Variants in NXN observed in about 807,000 individuals in gnomAD.
The protein encoded by NXN is nucleoredoxin 1.
A neutral mutation model predicts 48.6 loss-of-function variants in NXN; 16 were observed. That is an observed-to-expected ratio of 0.33 (90% CI 0.22 to 0.50). The LOEUF is 0.50. Ranked by LOEUF, NXN falls within the 20% of genes least tolerant of loss-of-function variation. The probability of loss-of-function intolerance (pLI) is 0.98; values close to 1 mark genes in which losing one functional copy is unlikely to be tolerated. For synonymous variants in NXN, 281 were observed against 269.6 expected, an observed-to-expected ratio of 1.04 and a Z score of -0.41; for missense variants, 492 against 605.5, an observed-to-expected ratio of 0.81 and a Z score of 1.97.
chr17:834,671 C>T (rs1344604177), intron 1 of NXN, among the ~76,000 whole-genome samples: 1 of 151,986 alleles, frequency 6.6e-6, no homozygotes, highest in African/African-American at 2.4e-5. Flanking sequence ...AGGCGCCCAC[C>T]ACCACGCCCG....
intron 1 of NXN, among the ~76,000 whole-genome samples, chr17:895,794 GGTTT>G (rs879274261): frequency 0.39 from 49,601 of 127,252 alleles, 10,354 homozygotes; most frequent in East Asian, 0.58. Context: ...CTCCAGCCTG[GGTTT>G]TGTTTGTCTC....
At chr17:812,561 G>C (rs527293974) in intron 5 of NXN, among the ~76,000 whole-genome samples, 5 of 151,772 alleles carry the variant, frequency 3.3e-5, no homozygotes, top group Non-Finnish European at 5.9e-5. Flanking sequence ...GAGCGAGTGT[G>C]TGTGTGAGTC....
rs369178206 is a variant in NXN at position 916,186 on chromosome 17, G to A, written c.360+63133C>T. ...CCCACTTTGCTAGAAATCCTGGCAC[G>A]TCGGCAACAGAAATGGAGGCAGAAA... On this transcript the variant is annotated intron_variant, in intron 1 of 7. Coordinates refer to ENST00000336868, the MANE Select transcript of NXN (RefSeq NM_022463.5). 1.3e-4 allele frequency among the ~76,000 whole-genome samples: 20 copies of A among 152,214 alleles called. No homozygotes were observed. In the East Asian group the frequency reaches 1.4e-3, roughly 10 times the overall value.
chr17:808,636 T>C lies in NXN; in HGVS notation c.821-3389A>G, dbSNP rs369715780. On this transcript the variant is annotated intron_variant, in intron 5 of 7. Coordinates refer to ENST00000336868, the MANE Select transcript of NXN (RefSeq NM_022463.5). The stretch of plus-strand genomic sequence containing the variant: ...TAGCAGAGTACCTGGTATATTGATA[T>C]TGTAAGTATTCTATAAGTATTGGCT... Among the ~76,000 whole-genome samples the C allele has an allele frequency of 5.3e-5, 8 of 150,798 alleles. No homozygotes were observed. In the East Asian group the frequency reaches 9.9e-4, roughly 19 times the overall value.
chr17:835,725 G>GA (rs1302653385), intron 1 of NXN, among the ~76,000 whole-genome samples: 1 of 144,766 alleles, frequency 6.9e-6, no homozygotes, highest in Admixed American at 6.9e-5. Flanking sequence ...AGGCCGCAGG[G>GA]AAAAAACACC....
chr17:896,366 C>T (rs192651115), intron 1 of NXN, among the ~76,000 whole-genome samples: 5 of 148,334 alleles, frequency 3.4e-5, no homozygotes, highest in Non-Finnish European at 7.4e-5. Flanking sequence ...ATTAAGTAAG[C>T]AAGGCATGGT....
intron 1 of NXN, among the ~76,000 whole-genome samples, chr17:881,097 A>C (rs912370288): frequency 1.3e-5 from 2 of 152,204 alleles, no homozygotes; most frequent in Non-Finnish European, 2.9e-5. Context: ...GCCAGTAAGA[A>C]TATGCAAAGG....
intron 1 of NXN, among the ~76,000 whole-genome samples, chr17:889,524 C>G (rs911881006): frequency 6.6e-6 from 1 of 152,152 alleles, no homozygotes; most frequent in Non-Finnish European, 1.5e-5. Context: ...AGGCAAAACC[C>G]TGTCTCCACT....
chr17:939,809 C>G (rs1266308053), intron 1 of NXN, among the ~76,000 whole-genome samples: 1 of 152,206 alleles, frequency 6.6e-6, no homozygotes, highest in Non-Finnish European at 1.5e-5. Flanking sequence ...GGAGACTGAT[C>G]CCCCACATGC....
At chr17:876,935 C>T (rs1207419696) in intron 1 of NXN, among the ~76,000 whole-genome samples, 1 of 151,848 alleles carries the variant, frequency 6.6e-6, no homozygotes, top group Non-Finnish European at 1.5e-5. Context: ...GTAATCCGAG[C>T]TACTCAGGAA....
chr17:864,640 CAGA>C (rs2068078735), intron 1 of NXN, among the ~76,000 whole-genome samples: 1 of 152,210 alleles, frequency 6.6e-6, no homozygotes, highest in South Asian at 2.1e-4. Flanking sequence ...TCTAACATTT[CAGA>C]AGGCTTTTTA....
At chr17:832,652 C>T (rs554500214) in intron 1 of NXN, among the ~76,000 whole-genome samples, 23 of 152,244 alleles carry the variant, frequency 1.5e-4, no homozygotes, top group African/African-American at 5.3e-4. Flanking sequence ...CCTCTCCCTG[C>T]CCTGCCCCCA....
At chr17:955,869 T>G (rs1396027064) in intron 1 of NXN, among the ~76,000 whole-genome samples, 2 of 148,552 alleles carry the variant, frequency 1.3e-5, no homozygotes, top group Non-Finnish European at 3.0e-5. Flanking sequence ...GCCACTGCAC[T>G]CCAGCCTGGG....
intron 1 of NXN, among the ~76,000 whole-genome samples, chr17:835,588 T>C (rs1335069965): frequency 6.6e-6 from 1 of 152,194 alleles, no homozygotes; most frequent in Non-Finnish European, 1.5e-5. Flanking sequence ...GAAACGCTTC[T>C]ACAGTGACCA....
At chr17:818,083 A>C (rs1268492015) in intron 5 of NXN, among the ~76,000 whole-genome samples, 2 of 151,818 alleles carry the variant, frequency 1.3e-5, no homozygotes, top group Non-Finnish European at 2.9e-5. Flanking sequence ...ACATGGCAAA[A>C]CTTCATCTCT....
chr17:874,976 T>C (rs755824228), intron 1 of NXN, among the ~76,000 whole-genome samples: 3 of 151,992 alleles, frequency 2.0e-5, no homozygotes, highest in Non-Finnish European at 4.4e-5. Context: ...CATTTACCAT[T>C]GGTGAAGCAC....
chr17:960,556 C>T (rs530879710), intron 1 of NXN, among the ~76,000 whole-genome samples: 3 of 152,202 alleles, frequency 2.0e-5, no homozygotes, highest in Admixed American at 1.3e-4. Context: ...GTTGTCCAGG[C>T]TGGACACAAG....
At chr17:865,658 G>A (rs1176208017) in intron 1 of NXN, among the ~76,000 whole-genome samples, 1 of 152,122 alleles carries the variant, frequency 6.6e-6, no homozygotes, top group Non-Finnish European at 1.5e-5. Flanking sequence ...CCAATTCACA[G>A]ATATGCATGT....
At chr17:812,917 G>T (rs1184466740) in intron 5 of NXN, among the ~76,000 whole-genome samples, 3 of 147,182 alleles carry the variant, frequency 2.0e-5, no homozygotes, top group Non-Finnish European at 4.5e-5. Flanking sequence ...TGTGACTGTA[G>T]GTGTGTGCGT....
Sources: allele counts gnomAD v4.1 joint callset (sites outside exome capture counted in the v4.1 genomes callset), GRCh38; gene constraint gnomAD v4.1.1; transcripts MANE v1.5; gene names NCBI Gene and HGNC (gene_info 2026-07-23, HGNC 2026-07-21).